Variants in DIP2C observed in about 807,000 individuals in gnomAD.
DIP2C encodes the protein DIP2 acetate--CoA ligase C (putative).
In DIP2C, 33 loss-of-function variants were observed where a neutral mutation model predicts 192.4. The ratio of observed to expected loss-of-function variants is 0.17; its 90% confidence interval spans 0.13 to 0.23. The LOEUF (loss-of-function observed/expected upper bound fraction) is 0.23. Ranked by LOEUF, DIP2C falls within the 10% of genes least tolerant of loss-of-function variation. The probability of loss-of-function intolerance (pLI) is 1.00; values close to 1 mark genes in which losing one functional copy is unlikely to be tolerated. For synonymous variants in DIP2C, 979 were observed against 864.1 expected (o/e 1.13, Z -2.33); for missense variants, 1,537 against 2,110.1 (o/e 0.73, Z 5.32).
At chr10:309,638 A>C (rs571197543) in intron 32 of DIP2C, among the ~76,000 whole-genome samples, 1 of 150,468 alleles carries the variant, frequency 6.6e-6, no homozygotes, top group East Asian at 2.0e-4. Flanking sequence ...AGCTCACTGT[A>C]ACCTCTGCCT....
chr10:523,521 T>C (rs2445593), intron 1 of DIP2C, among the ~76,000 whole-genome samples: 16,055 of 69,384 alleles, frequency 0.23, 6,527 homozygotes, highest in African/African-American at 0.37. Context: ...CACTCGTTTC[T>C]ACCTGAGCAA....
chr10:593,079 C>T (rs12242013), intron 1 of DIP2C, among the ~76,000 whole-genome samples: 13 of 152,020 alleles, frequency 8.6e-5, no homozygotes, highest in East Asian at 1.9e-4. Flanking sequence ...CAGTAGTGGC[C>T]GGGAACGGTG....
intron 31 of DIP2C, among the ~76,000 whole-genome samples, chr10:311,025 GAA>G (rs150334490): frequency 6.8e-6 from 1 of 146,744 alleles, no homozygotes; most frequent in Non-Finnish European, 1.5e-5. Context: ...TTATATATAA[GAA>G]AAAAAAAAGA....
At chr10:325,042 G>T (rs1564557424) in intron 31 of DIP2C, 1 of 488,394 alleles carries the variant, frequency 2.0e-6, no homozygotes, top group Non-Finnish European at 4.1e-6. Context: ...AAGGAAGGCG[G>T]ATCATGAGGT....
chr10:491,106 G>T (rs1353820991), intron 1 of DIP2C, among the ~76,000 whole-genome samples: 1 of 152,186 alleles, frequency 6.6e-6, no homozygotes, highest in Non-Finnish European at 1.5e-5. Flanking sequence ...CCTCAGGCAC[G>T]CACCAGCCAA....
intron 1 of DIP2C, among the ~76,000 whole-genome samples, chr10:579,588 G>A (rs1212229394): frequency 6.6e-6 from 1 of 152,020 alleles, no homozygotes; most frequent in African/African-American, 2.4e-5. Flanking sequence ...TACATGCATA[G>A]AGCATACACA....
intron 10 of DIP2C, among the ~76,000 whole-genome samples, chr10:396,627 G>A (rs1237981111): frequency 1.3e-5 from 2 of 152,140 alleles, no homozygotes; most frequent in African/African-American, 4.8e-5. Flanking sequence ...CTGAAGAGAA[G>A]CCTTGTAAAC....
At chr10:341,099 G>C in intron 29 of DIP2C, 100 bp downstream of exon 29, 1 of 1,528,898 alleles carries the variant, frequency 6.5e-7, no homozygotes. Context: ...GGCAGGAGTG[G>C]GGGTGTGGGG....
At chr10:378,952 C>T (rs1277140622) in intron 17 of DIP2C, among the ~76,000 whole-genome samples, 1 of 152,262 alleles carries the variant, frequency 6.6e-6, no homozygotes, top group Non-Finnish European at 1.5e-5. Context: ...GCCCTTGTCC[C>T]TTCAAAGTCT....
chr10:590,866 C>CA (rs1040039329), intron 1 of DIP2C, among the ~76,000 whole-genome samples: 4 of 152,196 alleles, frequency 2.6e-5, no homozygotes, highest in African/African-American at 9.7e-5. Context: ...CGCCTCCCTC[C>CA]AGCAGGAGTC....
intron 2 of DIP2C, among the ~76,000 whole-genome samples, chr10:477,173 C>G (rs886772546): frequency 8.4e-5 from 12 of 143,172 alleles, no homozygotes; most frequent in African/African-American, 3.0e-4. Context: ...AAGAAACAGG[C>G]TTAGCAAAGT....
intron 32 of DIP2C, among the ~76,000 whole-genome samples, chr10:307,941 C>T (rs1216411508): frequency 7.0e-6 from 1 of 143,566 alleles, no homozygotes; most frequent in Non-Finnish European, 1.5e-5. Flanking sequence ...GGTGCCTGGG[C>T]GGGGCCCGGC....
At chr10:489,767 G>A (rs1269398239) in intron 1 of DIP2C, among the ~76,000 whole-genome samples, 3 of 117,250 alleles carry the variant, frequency 2.6e-5, no homozygotes, top group Non-Finnish European at 5.3e-5. Flanking sequence ...GACGGTGCCC[G>A]GGGCTTCCTC....
At chr10:607,241 CTT>C (rs1421659229) in intron 1 of DIP2C, among the ~76,000 whole-genome samples, 1 of 152,244 alleles carries the variant, frequency 6.6e-6, no homozygotes, top group Non-Finnish European at 1.5e-5. Flanking sequence ...TGACCTGCCT[CTT>C]TTAAGGCAGC....
chr10:579,718 C>G (rs1026517447), intron 1 of DIP2C, among the ~76,000 whole-genome samples: 1 of 151,986 alleles, frequency 6.6e-6, no homozygotes, highest in African/African-American at 2.4e-5. Context: ...GTACACACAT[C>G]CATATCAATA....
chr10:496,476 A>AGT (rs1366896910), intron 1 of DIP2C, among the ~76,000 whole-genome samples: 2 of 150,096 alleles, frequency 1.3e-5, no homozygotes, highest in Admixed American at 1.3e-4. Flanking sequence ...GTGAGTGCTG[A>AGT]GTGCACAGAA....
intron 1 of DIP2C, chr10:629,926 G>A (rs1588637194): frequency 6.6e-6 from 1 of 152,476 alleles, no homozygotes; most frequent in East Asian, 1.9e-4. Flanking sequence ...CCGTGGAAGT[G>A]TCCTGGGCTC....
At chr10:445,934 C>T (rs1407383545) in intron 3 of DIP2C, among the ~76,000 whole-genome samples, 4 of 147,476 alleles carry the variant, frequency 2.7e-5, no homozygotes, top group Non-Finnish European at 6.0e-5. Flanking sequence ...GTCTCACAGG[C>T]CCACTGGGCG....
At position 590,392 on chromosome 10, in the gene DIP2C, G is replaced by A. The variant is rs181254382; in HGVS notation, c.85+99102C>T. On this transcript the variant is annotated intron_variant, in intron 1 of 36. Transcript: ENST00000280886. The stretch of plus-strand genomic sequence containing the variant: ...GCTCTGGAAAGGCTAAATGACTAAC[G>A]CCCACACTGAGCATCTTCTCCCAGA... 3.8e-3 allele frequency among the ~76,000 whole-genome samples: 581 copies of A among 152,274 alleles called. 5 individuals carry two copies. The highest frequency in any genetic ancestry group is 6.6e-3 in the Non-Finnish European group (451 of 68,018).
Sources: allele counts gnomAD v4.1 joint callset (sites outside exome capture counted in the v4.1 genomes callset), GRCh38; gene constraint gnomAD v4.1.1; transcripts MANE v1.5; gene names NCBI Gene and HGNC (gene_info 2026-07-23, HGNC 2026-07-21).